The following KCNN3 variants were observed in gnomAD, a reference collection of about 807,000 sequenced individuals.
KCNN3 encodes the protein small conductance calcium-activated potassium channel protein 3.
Under a neutral mutation model 62.9 loss-of-function variants are expected in KCNN3, and 16 were observed. The observed-to-expected ratio is 0.25, with a 90% CI of 0.17 to 0.39. The LOEUF is 0.39. Among genes scored for constraint, KCNN3 ranks in the 10% least tolerant of loss-of-function variants. KCNN3 has a pLI of 1.00. For synonymous variants in KCNN3, 370 were observed against 389.2 expected (o/e 0.95, Z 0.58); for missense variants, 599 against 949.4 (o/e 0.63, Z 4.85).
At chr1:154,778,215 C>A (rs536847451) in intron 2 of KCNN3, among the ~76,000 whole-genome samples, 2 of 152,258 alleles carry the variant, frequency 1.3e-5, no homozygotes, top group South Asian at 4.2e-4. Flanking sequence ...AGATTTTATG[C>A]AACAGTGATT....
At chr1:154,727,078 T>C (rs1285688965) in intron 4 of KCNN3, among the ~76,000 whole-genome samples, 1 of 152,266 alleles carries the variant, frequency 6.6e-6, no homozygotes, top group Non-Finnish European at 1.5e-5. Context: ...ACTACTCCCC[T>C]GGCTCTTCGG....
intron 1 of KCNN3, among the ~76,000 whole-genome samples, chr1:154,845,851 C>T (rs1652034654): frequency 6.6e-6 from 1 of 152,190 alleles, no homozygotes; most frequent in African/African-American, 2.4e-5. Flanking sequence ...GTAATAAAAC[C>T]CTAAAAGTGC....
chr1:154,842,760 A>G (rs534319586), intron 1 of KCNN3, among the ~76,000 whole-genome samples: 24 of 151,942 alleles, frequency 1.6e-4, no homozygotes, highest in African/African-American at 4.6e-4. Flanking sequence ...TGTGCTCACC[A>G]TCTGTTTACA....
intron 2 of KCNN3, among the ~76,000 whole-genome samples, chr1:154,777,044 G>A (rs1648820204): frequency 6.6e-6 from 1 of 152,212 alleles, no homozygotes; most frequent in South Asian, 2.1e-4. Flanking sequence ...CTTAGTAGGT[G>A]TTCAATAAAT....
At chr1:154,828,983 T>C (rs555177896) in intron 1 of KCNN3, among the ~76,000 whole-genome samples, 40 of 152,264 alleles carry the variant, frequency 2.6e-4, no homozygotes, top group Non-Finnish European at 5.1e-4. Context: ...CCAGGCACTG[T>C]GCTGGGCAAT....
At chr1:154,798,499 T>C (rs1189380275) in intron 2 of KCNN3, among the ~76,000 whole-genome samples, 1 of 152,250 alleles carries the variant, frequency 6.6e-6, no homozygotes, top group African/African-American at 2.4e-5. Flanking sequence ...CTCTTATCTC[T>C]GACTATTAAT....
intron 2 of KCNN3, among the ~76,000 whole-genome samples, chr1:154,783,808 T>C (rs1019404453): frequency 3.9e-5 from 6 of 152,152 alleles, no homozygotes; most frequent in African/African-American, 1.4e-4. Flanking sequence ...GCTGAGACTG[T>C]AAGATCAGGA....
chr1:154,699,754 C>T lies in KCNN3; in HGVS notation c.*8222G>A, dbSNP rs537960651. On this transcript the variant is annotated 3_prime_UTR_variant, in exon 8 of 8. Coordinates refer to ENST00000271915, the MANE Select transcript of KCNN3 (RefSeq NM_002249.6). ...TTCTTACTGGTGAGATGCTGAGTTC[C>T]TCAAGGGAAGAACACAAGGATCGAG... 3 of 152,190 alleles carry T rather than the reference C, an allele frequency of 2.0e-5. No homozygotes were observed. The highest frequency in any genetic ancestry group is 7.2e-5 in the African/African-American group (3 of 41,524). The allele number at this position is 152,190 out of a possible 1,614,324, so 9.4% of individuals were successfully genotyped here.
intron 1 of KCNN3, among the ~76,000 whole-genome samples, chr1:154,840,867 C>T (rs986776724): frequency 6.6e-6 from 1 of 152,242 alleles, no homozygotes; most frequent in Admixed American, 6.5e-5. Flanking sequence ...CCCACCAACG[C>T]CCTCCCCGGA....
chr1:154,719,551 T>C (rs141961814), intron 5 of KCNN3, among the ~76,000 whole-genome samples: 1 of 152,196 alleles, frequency 6.6e-6, no homozygotes, highest in Non-Finnish European at 1.5e-5. Context: ...TGCACCATCA[T>C]TGACTGAAAC....
At chr1:154,848,019 C>T (rs536618281) in intron 1 of KCNN3, among the ~76,000 whole-genome samples, 13 of 152,288 alleles carry the variant, frequency 8.5e-5, no homozygotes, top group Non-Finnish European at 1.3e-4. Context: ...TCTCTGAAAA[C>T]GAGCAGGAAG....
intron 2 of KCNN3, among the ~76,000 whole-genome samples, chr1:154,774,365 C>T (rs766175970): frequency 4.6e-5 from 7 of 152,186 alleles, no homozygotes; most frequent in Admixed American, 6.5e-5. Flanking sequence ...CTTTGTCTTC[C>T]GGTAAGTCCC....
rs553529973 is a variant in KCNN3 at position 154,724,210 on chromosome 1, G to A, written c.1701+1706C>T. On this transcript the variant is annotated intron_variant, in intron 5 of 7. Coordinates refer to ENST00000271915, the MANE Select transcript of KCNN3 (RefSeq NM_002249.6). ...CTGAGAAACTGGAGAGGCCTTGGCCGCTGCACACTCTCCCACTGCCTTCCC... is the reference window on the plus strand; with the variant it reads ...CTGAGAAACTGGAGAGGCCTTGGCCACTGCACACTCTCCCACTGCCTTCCC... Among the ~76,000 whole-genome samples, 33 of 152,312 alleles carry A rather than the reference G, an allele frequency of 2.2e-4. 1 individual carries two copies. In the South Asian group the frequency reaches 4.4e-3, roughly 20 times the overall value.
chr1:154,838,827 C>A (rs1006605041), intron 1 of KCNN3, among the ~76,000 whole-genome samples: 1 of 152,208 alleles, frequency 6.6e-6, no homozygotes, highest in African/African-American at 2.4e-5. Flanking sequence ...TCCCCCACCC[C>A]CAGCACCTTG....
chr1:154,748,837 C>T lies in KCNN3; in HGVS notation c.1449-15693G>A, dbSNP rs528010088. On this transcript the variant is annotated intron_variant, in intron 3 of 7. Transcript: ENST00000271915. ...ATTAGCAGGGCATGGTGGTACGTGT[C>T]TATAGTCCCAGCTATTCTGGAGGCT... 2.6e-5 allele frequency among the ~76,000 whole-genome samples: 4 copies of T among 152,152 alleles called. No homozygotes were observed. The South Asian group carries it at 8.3e-4, about 32-fold the overall frequency.
intron 2 of KCNN3, among the ~76,000 whole-genome samples, chr1:154,815,319 C>T (rs1046118304): frequency 1.3e-5 from 2 of 152,228 alleles, no homozygotes; most frequent in African/African-American, 4.8e-5. Context: ...GGCACAGCTT[C>T]CTTCTCTTTT....
chr1:154,833,506 T>C lies in KCNN3; in HGVS notation c.934-11322A>G, dbSNP rs183290199. 8.5e-5 allele frequency among the ~76,000 whole-genome samples: 13 copies of C among 152,302 alleles called. No individual in the cohort carries two copies. The East Asian group carries it at 2.5e-3, about 29-fold the overall frequency. On this transcript the variant is annotated intron_variant, in intron 1 of 7. Transcript: ENST00000271915. ...GGCCTTGCCAACAAACGTGAGACAGTGAGTCCTCCACCCAACACTCGACTT... is the reference window on the plus strand; with the variant it reads ...GGCCTTGCCAACAAACGTGAGACAGCGAGTCCTCCACCCAACACTCGACTT...
chr1:154,840,815 A>G (rs1326212459), intron 1 of KCNN3, among the ~76,000 whole-genome samples: 1 of 152,210 alleles, frequency 6.6e-6, no homozygotes, highest in East Asian at 1.9e-4. Context: ...CAGGGAGCAG[A>G]GTGGAGAGCT....
At chr1:154,849,165 C>T (rs1652208721) in intron 1 of KCNN3, among the ~76,000 whole-genome samples, 1 of 152,212 alleles carries the variant, frequency 6.6e-6, no homozygotes, top group Non-Finnish European at 1.5e-5. Context: ...GTTTCTCCCC[C>T]TGCCAGGAAA....
Sources: allele counts gnomAD v4.1 joint callset (sites outside exome capture counted in the v4.1 genomes callset), GRCh38; gene constraint gnomAD v4.1.1; transcripts MANE v1.5; gene names NCBI Gene and HGNC (gene_info 2026-07-23, HGNC 2026-07-21).